PCSK2: variants seen among roughly 807,000 people sequenced by gnomAD.
PCSK2 encodes proprotein convertase subtilisin/kexin type 2, also known as neuroendocrine convertase 2.
In PCSK2, 14 loss-of-function variants were observed where a neutral mutation model predicts 69.7. The ratio of observed to expected loss-of-function variants is 0.20; its 90% CI spans 0.13 to 0.31. PCSK2 has a LOEUF of 0.31. Among genes scored for constraint, PCSK2 ranks in the 10% least tolerant of loss-of-function variants. The pLI, the probability that PCSK2 is intolerant of heterozygous loss-of-function variation, is 1.00. For missense variants in PCSK2, 544 were observed against 842.5 expected (o/e 0.65, Z 4.39); for synonymous variants, 307 against 320.7 (o/e 0.96, Z 0.46).
intron 8 of PCSK2, among the ~76,000 whole-genome samples, chr20:17,443,660 G>A (rs571970914): frequency 3.3e-5 from 5 of 152,098 alleles, no homozygotes; most frequent in Admixed American, 2.0e-4. Context: ...TGGTGGCAGC[G>A]CTCCACATCC....
At chr20:17,293,338 T>C (rs1051375592) in intron 2 of PCSK2, among the ~76,000 whole-genome samples, 3 of 152,242 alleles carry the variant, frequency 2.0e-5, no homozygotes, top group African/African-American at 7.2e-5. Context: ...TTTTTCTTGC[T>C]GTTGTTTTGG....
At chr20:17,246,782 A>G (rs1476492418) in intron 1 of PCSK2, among the ~76,000 whole-genome samples, 1 of 151,828 alleles carries the variant, frequency 6.6e-6, no homozygotes, top group African/African-American at 2.4e-5. Flanking sequence ...TGTTTCACTG[A>G]TGATAAATAA....
At chr20:17,238,779 A>G (rs1272792194) in intron 1 of PCSK2, among the ~76,000 whole-genome samples, 2 of 152,148 alleles carry the variant, frequency 1.3e-5, no homozygotes, top group Non-Finnish European at 2.9e-5. Flanking sequence ...TGATTTTCCA[A>G]ACAAAGCTAT....
rs189270191 is a variant in PCSK2, at chr20:17,410,269, T to A, written c.620+930T>A. 7.9e-5 allele frequency among the ~76,000 whole-genome samples: 12 copies of A among 152,314 alleles called. No homozygotes were observed. The East Asian group carries it at 2.1e-3, about 27-fold the overall frequency. On this transcript the variant is annotated intron_variant, in intron 6 of 11. Transcript: ENST00000262545. Reference sequence around the variant, plus strand: ...TTAAAATTCAAGTCAAAGCCAAGATTAGCCCCATGCTTCAAATTATTTCCA... The same window carrying A: ...TTAAAATTCAAGTCAAAGCCAAGATAAGCCCCATGCTTCAAATTATTTCCA...
chr20:17,274,015 G>A (rs1374225314), intron 2 of PCSK2, among the ~76,000 whole-genome samples: 1 of 152,118 alleles, frequency 6.6e-6, no homozygotes, highest in Non-Finnish European at 1.5e-5. Flanking sequence ...CAAAATGAAT[G>A]TCTTAATGAA....
chr20:17,293,668 A>C (rs574105252), intron 2 of PCSK2, among the ~76,000 whole-genome samples: 122 of 152,354 alleles, frequency 8.0e-4, no homozygotes, highest in Non-Finnish European at 1.4e-3. Context: ...TGACTAGATT[A>C]GATTTTACTT....
Position 17,482,906 on chromosome 20 carries a change from TAAGAC to T in PCSK2, c.*840_*844del, listed in dbSNP as rs1262494002. On this transcript the variant is annotated 3_prime_UTR_variant, in exon 12 of 12. Transcript: ENST00000262545. ...TAGCTACCCAAAAGAGAAAAAAAATTAAGACAAGCCTGGCAACACACCTGGTGAAG... is the reference window on the plus strand; with the variant it reads ...TAGCTACCCAAAAGAGAAAAAAAATTAAGCCTGGCAACACACCTGGTGAAG... 3 of 152,194 alleles carry T rather than the reference TAAGAC, an allele frequency of 2.0e-5. No individual in the cohort carries two copies. Among genetic ancestry groups the T allele is most frequent in the Non-Finnish European group, 4.4e-5 (3 of 68,036 alleles). The allele number at this position is 152,194 out of a possible 1,614,324, so 9.4% of individuals were successfully genotyped here. A position where few individuals can be genotyped will look rare whatever the true frequency, so the allele number is the denominator to read the frequency against.
chr20:17,260,838 G>A (rs930657871), intron 2 of PCSK2, among the ~76,000 whole-genome samples: 5 of 152,184 alleles, frequency 3.3e-5, no homozygotes, highest in African/African-American at 1.2e-4. Context: ...CTGTGGCCAT[G>A]AGACTATCTC....
chr20:17,324,458 A>C (rs1341153097), intron 2 of PCSK2, among the ~76,000 whole-genome samples: 1 of 152,166 alleles, frequency 6.6e-6, no homozygotes, highest in East Asian at 1.9e-4. Context: ...GCAGAAAATG[A>C]ATTTATTACA....
At chr20:17,347,878 A>AG (rs1568612245) in intron 2 of PCSK2, among the ~76,000 whole-genome samples, 1 of 3,646 alleles carries the variant, frequency 2.7e-4, no homozygotes, top group Non-Finnish European at 7.7e-4. Flanking sequence ...AGAAAAAAGA[A>AG]AGAAAGAAAG....
In PCSK2 at chr20:17,241,809, A is replaced by G. The variant is rs188595975; in HGVS notation, c.177+14327A>G. Among the ~76,000 whole-genome samples the G allele has an allele frequency of 6.5e-4, 99 of 152,350 alleles. 2 individuals are homozygous for G. In the South Asian group the frequency reaches 0.02, roughly 31 times the overall value. On this transcript the variant is annotated intron_variant, in intron 1 of 11. Coordinates refer to ENST00000262545, the MANE Select transcript of PCSK2 (RefSeq NM_002594.5). ...AACAAATCCCGTAACTTAGAAGCCA[A>G]GAAGAAAAGAAAGAACAGTGGTGTA...
chr20:17,357,894 CA>C (rs11429693), intron 2 of PCSK2, among the ~76,000 whole-genome samples: 448 of 120,302 alleles, frequency 3.7e-3, no homozygotes, highest in Middle Eastern at 0.014. Flanking sequence ...AACTCTGTCT[CA>C]AAAAAAAAAA....
intron 5 of PCSK2, among the ~76,000 whole-genome samples, chr20:17,405,360 G>C (rs1318367939): frequency 6.6e-6 from 1 of 152,194 alleles, no homozygotes; most frequent in African/African-American, 2.4e-5. Context: ...CAGATTTGAA[G>C]GTATGGATGG....
At chr20:17,266,094 C>G (rs1291932457) in intron 2 of PCSK2, among the ~76,000 whole-genome samples, 2 of 152,150 alleles carry the variant, frequency 1.3e-5, no homozygotes, top group African/African-American at 4.8e-5. Flanking sequence ...GAAGTTGCCT[C>G]CTGAGTTTAT....
At chr20:17,468,772 G>A (rs1361583305) in intron 11 of PCSK2, among the ~76,000 whole-genome samples, 1 of 151,828 alleles carries the variant, frequency 6.6e-6, no homozygotes, top group Non-Finnish European at 1.5e-5. Context: ...TCCTCCCACA[G>A]ACCAGCATCC....
At chr20:17,327,335 C>A (rs1205379325) in intron 2 of PCSK2, among the ~76,000 whole-genome samples, 1 of 152,084 alleles carries the variant, frequency 6.6e-6, no homozygotes, top group Non-Finnish European at 1.5e-5. Flanking sequence ...CCCGGTGGGT[C>A]GGGGCTATGT....
intron 10 of PCSK2, among the ~76,000 whole-genome samples, chr20:17,463,222 A>G (rs2033042186): frequency 6.6e-6 from 1 of 152,218 alleles, no homozygotes; most frequent in Non-Finnish European, 1.5e-5. Flanking sequence ...TCAGAAGTAC[A>G]GCCCATTTTC....
upstream of PCSK2, among the ~76,000 whole-genome samples, chr20:17,226,536 A>G (rs982442340): frequency 2.1e-5 from 1 of 47,616 alleles, no homozygotes; most frequent in African/African-American, 1.3e-4. Flanking sequence ...AGAGAGAAAG[A>G]GAGAGAGAGA....
At chr20:17,276,182 T>C (rs1329025926) in intron 2 of PCSK2, among the ~76,000 whole-genome samples, 1 of 152,166 alleles carries the variant, frequency 6.6e-6, no homozygotes, top group Non-Finnish European at 1.5e-5. Flanking sequence ...TTATGCATGG[T>C]GGTTTTATTT....
Sources: gnomAD v4.1 joint callset for allele counts (sites outside exome capture counted in the v4.1 genomes callset) on GRCh38, gnomAD v4.1.1 for gene constraint, MANE v1.5 for transcripts, NCBI Gene and HGNC (gene_info 2026-07-23, HGNC 2026-07-21) for gene names.